RHBDF2: variants seen among roughly 807,000 people sequenced by gnomAD.
RHBDF2 encodes the protein inactive rhomboid protein 2.
RHBDF2 carries 38 observed loss-of-function variants against 95.2 expected under a neutral mutation model. That is an observed-to-expected ratio of 0.40 (90% CI 0.31 to 0.52). RHBDF2 has a LOEUF of 0.52. Ranked by LOEUF, RHBDF2 falls within the 20% of genes least tolerant of loss-of-function variation. RHBDF2 has a pLI of 0.56. For synonymous variants in RHBDF2, 442 were observed against 462.0 expected (o/e 0.96, Z 0.55); for missense variants, 863 against 1,137.7 (o/e 0.76, Z 3.47).
rs774635130 is a variant in RHBDF2, at chr17:76,476,841, G to A, written c.1104C>T (p.Phe368=). The part of the protein sequence containing the change: ...SSTVQRQLES[F]DSHRPYFTYW... ...GGGCGACACCTCACCGGTGGCTGTC[G>A]AAGCTCTCCAGCTGCCGCTGCACAG... Residue 368 remains phenylalanine, a synonymous_variant, in exon 9 of 19, where the codon TTC becomes TTT. Coordinates refer to ENST00000675367, the MANE Select transcript of RHBDF2 (RefSeq NM_001005498.4). 29 of 1,605,232 alleles carry A rather than the reference G, an allele frequency of 1.8e-5. No individual in the cohort carries two copies. The highest frequency in any genetic ancestry group is 1.5e-4 in the Admixed American group (9 of 58,858).
intron 1 of RHBDF2, among the ~76,000 whole-genome samples, chr17:76,488,605 C>T (rs35787914): frequency 1.3e-5 from 2 of 151,906 alleles, no homozygotes; most frequent in African/African-American, 4.8e-5. Context: ...GTCAAGAGTT[C>T]GAGACCAGCC....
chr17:76,500,135 T>C (rs4647858), intron 1 of RHBDF2, among the ~76,000 whole-genome samples: 21,013 of 152,196 alleles, frequency 0.14, 1,701 homozygotes, highest in South Asian at 0.4. Flanking sequence ...AGAAGGAACC[T>C]GATGGACCAG....
At chr17:76,485,275 G>A (rs1311700360) in intron 2 of RHBDF2, among the ~76,000 whole-genome samples, 1 of 152,140 alleles carries the variant, frequency 6.6e-6, no homozygotes, top group Non-Finnish European at 1.5e-5. Context: ...GCCAGGCATG[G>A]TGGTGCATCC....
chr17:76,480,285 G>A (rs1350834337), intron 3 of RHBDF2, among the ~76,000 whole-genome samples: 1 of 149,976 alleles, frequency 6.7e-6, no homozygotes, highest in Non-Finnish European at 1.5e-5. Context: ...GTTTCACCAT[G>A]TTGGCCAGGC....
chr17:76,483,163 C>T (rs1056029272), intron 2 of RHBDF2, among the ~76,000 whole-genome samples: 2 of 152,224 alleles, frequency 1.3e-5, no homozygotes, highest in African/African-American at 2.4e-5. Context: ...AATTCTCTTG[C>T]CTCAGCCTCC....
At chr17:76,486,077 TACACACACACACACACACACACAC>T (rs57942849) in intron 2 of RHBDF2, among the ~76,000 whole-genome samples, 5 of 144,774 alleles carry the variant, frequency 3.5e-5, no homozygotes, top group African/African-American at 1.3e-4. Flanking sequence ...TATATATATG[TACACACACACACACACACACACAC>T]ACACACACAC....
chr17:76,477,346 A>G (rs1244454164), intron 7 of RHBDF2, 48 bp from the exon 8 acceptor site: 4 of 1,584,604 alleles, frequency 2.5e-6, no homozygotes. Flanking sequence ...TGTCCCAAAC[A>G]CTGCCCCCCG....
rs1457245594 is a variant in RHBDF2 at position 76,471,957 on chromosome 17, G to A, written c.2160C>T (p.Phe720=). Residue 720 remains phenylalanine, a synonymous_variant, in exon 19 of 19, where the codon TTC becomes TTT. Coordinates refer to ENST00000675367, the MANE Select transcript of RHBDF2 (RefSeq NM_001005498.4). ...AGAGCACGATGGCCGAGAGGTTGAG[G>A]AAGGCCTTCCAGGGCCTCTCCAGCA... is the stretch of plus-strand genomic sequence containing the variant. ...WPLLERPWKA[F]LNLSAIVLFL... 1 of 1,571,398 alleles carries A rather than the reference G, an allele frequency of 6.4e-7. No individual in the cohort carries two copies. The highest frequency in any genetic ancestry group is 8.6e-7 in the Non-Finnish European group (1 of 1,158,218).
chr17:76,483,217 C>T (rs560584367), intron 2 of RHBDF2, among the ~76,000 whole-genome samples: 1 of 152,232 alleles, frequency 6.6e-6, no homozygotes, highest in East Asian at 1.9e-4. Flanking sequence ...GCCCAGCCCA[C>T]ACTCTATCAT....
At chr17:76,492,070 T>C (rs1450406097) in intron 1 of RHBDF2, among the ~76,000 whole-genome samples, 1 of 152,184 alleles carries the variant, frequency 6.6e-6, no homozygotes, top group Admixed American at 6.5e-5. Context: ...AGCCAGATCC[T>C]GGCCTCACTG....
In RHBDF2 at chr17:76,481,474, G is replaced by A; in HGVS notation, c.51C>T (p.Ser17=). 6.2e-7 allele frequency: 1 copy of A among 1,611,996 alleles called. No individual in the cohort carries two copies. The highest frequency in any genetic ancestry group is 8.5e-7 in the Non-Finnish European group (1 of 1,179,946). ...NGGSVSSVSS[S]RLQSRKPPNL... ...TGGGTGGCTTCCGGCTCTGCAGGCG[G>A]CTGCTGGACACAGAGGACACGCTCC... Residue 17 remains serine, a synonymous_variant, in exon 3 of 19, where the codon AGC becomes AGT. Coordinates refer to ENST00000675367, the MANE Select transcript of RHBDF2 (RefSeq NM_001005498.4).
At position 76,495,801 on chromosome 17, in the gene RHBDF2, C is replaced by G. The variant is rs565577803; in HGVS notation, c.-220+5552G>C. Among the ~76,000 whole-genome samples, 9 of 152,302 alleles carry G rather than the reference C, an allele frequency of 5.9e-5. No individual in the cohort carries two copies. The South Asian group carries it at 1.9e-3, about 32-fold the overall frequency. ...GAGGGAAAATGCCAGGCAGACACTTCTGAGCTTGTAAACGGTCATTAAGGA... is the reference window on the plus strand; with the variant it reads ...GAGGGAAAATGCCAGGCAGACACTTGTGAGCTTGTAAACGGTCATTAAGGA... On this transcript the variant is annotated intron_variant, in intron 1 of 18. Coordinates refer to ENST00000675367, the MANE Select transcript of RHBDF2 (RefSeq NM_001005498.4).
At chr17:76,481,668 T>G in intron 2 of RHBDF2, 123 bp from the exon 3 acceptor site, 41 of 839,490 alleles carry the variant, frequency 4.9e-5, no homozygotes, top group Non-Finnish European at 7.0e-5. Flanking sequence ...CAAACATCTC[T>G]GGGCGGCTGG....
chr17:76,490,266 G>A (rs538737770), intron 1 of RHBDF2, among the ~76,000 whole-genome samples: 265 of 152,284 alleles, frequency 1.7e-3, no homozygotes, highest in African/African-American at 6.0e-3. Flanking sequence ...ATCCCGAAGT[G>A]CTGGGGAGTC....
chr17:76,481,854 T>C, intron 2 of RHBDF2: 2 of 222,256 alleles, frequency 9.0e-6, no homozygotes, highest in East Asian at 1.1e-4. Context: ...CTCGGGAGGC[T>C]GAGGCAGGAT....
At chr17:76,479,039 C>T in intron 5 of RHBDF2, 30 bp from the exon 6 acceptor site, 1 of 1,611,086 alleles carries the variant, frequency 6.2e-7, no homozygotes, top group Non-Finnish European at 8.5e-7. Flanking sequence ...TAAGCAGAGC[C>T]ATTAGGGTCC....
chr17:76,485,504 C>T (rs992521069), intron 2 of RHBDF2, among the ~76,000 whole-genome samples: 1 of 151,106 alleles, frequency 6.6e-6, no homozygotes, highest in Non-Finnish European at 1.5e-5. Context: ...ATCACTTGAA[C>T]CCAGGACGGG....
chr17:76,473,429 G>T, intron 15 of RHBDF2, 102 bp from the exon 16 acceptor site: 2 of 1,153,320 alleles, frequency 1.7e-6, no homozygotes, highest in African/African-American at 1.5e-5. Context: ...ATCGCTGGCA[G>T]GAAGGGGGAT....
At chr17:76,491,803 T>C (rs2074309423) in intron 1 of RHBDF2, among the ~76,000 whole-genome samples, 1 of 152,180 alleles carries the variant, frequency 6.6e-6, no homozygotes, top group Non-Finnish European at 1.5e-5. Flanking sequence ...GAGTGGGGAC[T>C]GTCAGACCCA....
Sources: allele counts gnomAD v4.1 joint callset (sites outside exome capture counted in the v4.1 genomes callset), GRCh38; gene constraint gnomAD v4.1.1; transcripts MANE v1.5; gene names NCBI Gene and HGNC (gene_info 2026-07-23, HGNC 2026-07-21).